Variants in FNDC3A observed in about 807,000 individuals in gnomAD.
The protein encoded by FNDC3A is fibronectin type-III domain-containing protein 3A.
In FNDC3A, 32 loss-of-function variants were observed where a neutral mutation model predicts 148.9. The observed-to-expected ratio is 0.21, with a 90% confidence interval of 0.16 to 0.29. The LOEUF is 0.29. Among genes scored for constraint, FNDC3A ranks in the 10% least tolerant of loss-of-function variants. The pLI, the probability that FNDC3A is intolerant of heterozygous loss-of-function variation, is 1.00. For synonymous variants in FNDC3A, 472 were observed against 473.6 expected (o/e 1.00, Z 0.04); for missense variants, 1,191 against 1,452.8 (o/e 0.82, Z 2.93).
intron 3 of FNDC3A, among the ~76,000 whole-genome samples, chr13:49,076,250 A>G (rs1313719659): frequency 6.6e-6 from 1 of 151,592 alleles, no homozygotes; most frequent in Admixed American, 6.6e-5. Context: ...CTCTGTAAGT[A>G]CTTTTTTTTT....
chr13:49,074,721 A>G lies in FNDC3A; in HGVS notation c.100-568A>G, dbSNP rs1186943939. ...TGTGCAGCATAAGAAGTTTATTAGA[A>G]TGTTAACAATGTGTATCTTAGGATA... On this transcript the variant is annotated intron_variant, in intron 2 of 25. Transcript: ENST00000492622. Among the ~76,000 whole-genome samples the G allele has an allele frequency of 2.6e-5, 4 of 152,288 alleles. No individual in the cohort carries two copies. In the East Asian group the frequency reaches 7.7e-4, roughly 29 times the overall value.
intron 1 of FNDC3A, among the ~76,000 whole-genome samples, chr13:48,997,254 T>C (rs2137579308): frequency 6.6e-6 from 1 of 152,324 alleles, no homozygotes; most frequent in East Asian, 1.9e-4. Flanking sequence ...CTATCTACCT[T>C]AGTTTCTAGG....
intron 2 of FNDC3A, among the ~76,000 whole-genome samples, chr13:49,024,203 A>G (rs936389494): frequency 6.6e-6 from 1 of 152,046 alleles, no homozygotes; most frequent in African/African-American, 2.4e-5. Flanking sequence ...TAAACGGACC[A>G]ATAACAAGTA....
intron 2 of FNDC3A, among the ~76,000 whole-genome samples, chr13:49,052,837 G>A (rs1020815998): frequency 4.6e-5 from 7 of 152,174 alleles, no homozygotes; most frequent in Admixed American, 3.3e-4. Context: ...AAGACCACCA[G>A]GTGGGAGCAG....
In FNDC3A at chr13:49,186,030, G is replaced by A. The variant is rs753095420; in HGVS notation, c.1684G>A (p.Asp562Asn). ...SEVVEFTTCPDKPGIPVKPSV... is the reference protein window; with the variant it reads ...SEVVEFTTCPNKPGIPVKPSV... The stretch of plus-strand genomic sequence containing the variant: ...AGTAGTAGAATTTACTACTTGCCCT[G>A]ATAAACCAGGCATACCTGTAAAGCC... Residue 562 changes from aspartate to asparagine, a missense_variant, in exon 15 of 26, where the codon GAT becomes AAT. By Grantham distance (23) the Asp-to-Asn change is conservative (BLOSUM62 1). Coordinates refer to ENST00000492622, the MANE Select transcript of FNDC3A (RefSeq NM_001079673.2). 5 of 1,612,450 alleles carry A rather than the reference G, an allele frequency of 3.1e-6. No homozygotes were observed. Among genetic ancestry groups the A allele is most frequent in the African/African-American group, 1.3e-5 (1 of 74,986 alleles).
intron 3 of FNDC3A, among the ~76,000 whole-genome samples, chr13:49,105,563 A>G (rs1396750406): frequency 2.0e-5 from 3 of 152,232 alleles, no homozygotes; most frequent in Admixed American, 2.0e-4. Flanking sequence ...GAACTCCAGA[A>G]TAGTAAAATG....
rs905794313 is a variant in FNDC3A at position 49,187,724 on chromosome 13, C to T, written c.1825+534C>T. The T allele has an allele frequency of 6.3e-5, 78 of 1,231,560 alleles. 1 individual carries two copies. Among genetic ancestry groups the T allele is most frequent in the Non-Finnish European group, 8.5e-5 (72 of 842,840 alleles). 76.3% of individuals were successfully genotyped at this position (1,231,560 alleles called of 1,614,324 possible). On this transcript the variant is annotated intron_variant, in intron 16 of 25. Coordinates refer to ENST00000492622, the MANE Select transcript of FNDC3A (RefSeq NM_001079673.2). ...CAGAAACCGAGGACGGATGAAATGG[C>T]GGCACCTCACCAAGACCTTTTTTTT...
intron 2 of FNDC3A, among the ~76,000 whole-genome samples, chr13:49,011,607 T>C (rs1011267236): frequency 1.3e-5 from 2 of 152,114 alleles, no homozygotes; most frequent in Admixed American, 1.3e-4. Context: ...CTTCTAGAGT[T>C]AGTGTTGTGT....
At chr13:49,136,717 G>C in intron 6 of FNDC3A, 116 bp downstream of exon 6, 1 of 1,012,510 alleles carries the variant, frequency 9.9e-7, no homozygotes. Context: ...ACTGTTACAG[G>C]CTGCTGCTTT....
Position 49,130,665 on chromosome 13 carries a change from T to C in FNDC3A, c.253-472T>C, listed in dbSNP as rs1368632773. ...ATAACAAAAACTAATTCATTTTGTTTAGTGCTAATTTACATGTACCAATAT... is the reference window on the plus strand; with the variant it reads ...ATAACAAAAACTAATTCATTTTGTTCAGTGCTAATTTACATGTACCAATAT... On this transcript the variant is annotated intron_variant, in intron 4 of 25. Coordinates refer to ENST00000492622, the MANE Select transcript of FNDC3A (RefSeq NM_001079673.2). 2.0e-5 allele frequency among the ~76,000 whole-genome samples: 3 copies of C among 152,248 alleles called. No homozygotes were observed. The East Asian group carries it at 5.8e-4, about 29-fold the overall frequency.
intron 2 of FNDC3A, among the ~76,000 whole-genome samples, chr13:49,067,659 A>C (rs1358437643): frequency 7.2e-5 from 11 of 152,194 alleles, no homozygotes; most frequent in Admixed American, 6.5e-5. Flanking sequence ...GGGTTAATTT[A>C]ATCATTTCTT....
chr13:49,025,948 A>G (rs1467886051), intron 2 of FNDC3A, among the ~76,000 whole-genome samples: 1 of 152,198 alleles, frequency 6.6e-6, no homozygotes, highest in African/African-American at 2.4e-5. Context: ...AGAAAATCTT[A>G]TATATAAGGC....
At chr13:49,182,634 C>T (rs1339510385) in intron 14 of FNDC3A, among the ~76,000 whole-genome samples, 1 of 151,926 alleles carries the variant, frequency 6.6e-6, no homozygotes, top group Non-Finnish European at 1.5e-5. Context: ...GATACTTTCA[C>T]TTTCAGCTTA....
chr13:49,081,804 G>T (rs561959248), intron 3 of FNDC3A, among the ~76,000 whole-genome samples: 1 of 152,180 alleles, frequency 6.6e-6, no homozygotes, highest in South Asian at 2.1e-4. Flanking sequence ...AATAAGCACT[G>T]TTTATTTTCT....
At chr13:49,128,237 C>T (rs1881820297) in intron 4 of FNDC3A, among the ~76,000 whole-genome samples, 1 of 152,138 alleles carries the variant, frequency 6.6e-6, no homozygotes, top group African/African-American at 2.4e-5. Flanking sequence ...ACTGCTGCTT[C>T]CCTGGTCTTA....
At chr13:49,031,663 C>T (rs975883074) in intron 2 of FNDC3A, among the ~76,000 whole-genome samples, 1 of 151,850 alleles carries the variant, frequency 6.6e-6, no homozygotes, top group Non-Finnish European at 1.5e-5. Flanking sequence ...AAAATAAGAG[C>T]TAAATTGTAA....
At chr13:49,076,547 C>T (rs762736935) in intron 3 of FNDC3A, among the ~76,000 whole-genome samples, 22 of 151,918 alleles carry the variant, frequency 1.4e-4, no homozygotes, top group Non-Finnish European at 2.6e-4. Flanking sequence ...ACCCAGCTCT[C>T]GGTGAGTACA....
intron 1 of FNDC3A, among the ~76,000 whole-genome samples, chr13:49,000,958 G>T (rs1952113060): frequency 7.4e-6 from 1 of 134,284 alleles, no homozygotes. Flanking sequence ...AACAGGTTTT[G>T]TGTGTTTGTG....
chr13:49,142,253 T>G (rs1202003480), intron 7 of FNDC3A, among the ~76,000 whole-genome samples: 2 of 152,208 alleles, frequency 1.3e-5, no homozygotes, highest in Non-Finnish European at 2.9e-5. Context: ...CTTAATCTGC[T>G]TGTCTATACT....
Sources: allele counts gnomAD v4.1 joint callset (sites outside exome capture counted in the v4.1 genomes callset), GRCh38; gene constraint gnomAD v4.1.1; transcripts MANE v1.5; gene names NCBI Gene and HGNC (gene_info 2026-07-23, HGNC 2026-07-21).